The following RSAD2 variants were observed in gnomAD, a reference collection of about 807,000 sequenced individuals.
RSAD2 encodes radical S-adenosyl methionine domain containing 2, also known as S-adenosylmethionine-dependent nucleotide dehydratase RSAD2.
RSAD2 carries 38 observed loss-of-function variants against 37.7 expected under a neutral mutation model. The ratio of observed to expected loss-of-function variants is 1.01; its 90% CI spans 0.78 to 1.32. The LOEUF is 1.32. Ranked by LOEUF, RSAD2 falls within the 40% of genes most tolerant of loss-of-function variation. The pLI, the probability that RSAD2 is intolerant of heterozygous loss-of-function variation, is 0.00. For missense variants in RSAD2, 428 were observed against 437.5 expected (o/e 0.98, Z 0.19); for synonymous variants, 163 against 157.4 (o/e 1.04, Z -0.27).
intron 3 of RSAD2, among the ~76,000 whole-genome samples, chr2:6,887,853 C>T (rs191795414): frequency 3.9e-5 from 6 of 152,336 alleles, no homozygotes; most frequent in African/African-American, 9.6e-5. Flanking sequence ...CTTGCACAAA[C>T]GTGTATTTCT....
chr2:6,878,963 C>T (rs1321582498), intron 1 of RSAD2: 1 of 609,832 alleles, frequency 1.6e-6, no homozygotes, highest in East Asian at 6.7e-5. Context: ...GCAATCACAG[C>T]CAGGTAAATA....
intron 3 of RSAD2, 139 bp from the exon 4 acceptor site, chr2:6,890,037 G>A: frequency 1.4e-6 from 1 of 714,706 alleles, no homozygotes; most frequent in Non-Finnish European, 2.2e-6. Flanking sequence ...TTTCCCCAAA[G>A]TAATATCTTT....
At position 6,893,683 on chromosome 2, in the gene RSAD2, T is replaced by A. The variant is rs891550248; in HGVS notation, c.901T>A (p.Tyr301Asn). 1.2e-6 allele frequency: 2 copies of A among 1,607,286 alleles called. No individual in the cohort carries two copies. Among genetic ancestry groups the A allele is most frequent in the Non-Finnish European group, 8.5e-7 (1 of 1,174,002 alleles). ...PESNQKMKDS[Y>N]LILDEYMRFL... ...TTCTCCTTTGCAGATGAAAGACTCC[T>A]ACCTTATTCTGGATGAATATGTGAG... The change falls in exon 5 of 6, where the codon TAC becomes AAC. Residue 301 changes from tyrosine to asparagine, a missense_variant. Tyr to Asn is a moderately radical substitution (Grantham distance 143). Transcript: ENST00000382040.
intron 1 of RSAD2, 51 bp downstream of exon 1, chr2:6,878,197 G>A (rs759871763): frequency 2.0e-6 from 3 of 1,507,948 alleles, no homozygotes; most frequent in Admixed American, 3.8e-5. Context: ...ACTGGGCAGT[G>A]GGGTAAGGCG....
chr2:6,880,956 T>C (rs1663385306), intron 1 of RSAD2, among the ~76,000 whole-genome samples: 1 of 152,164 alleles, frequency 6.6e-6, no homozygotes, highest in Non-Finnish European at 1.5e-5. Flanking sequence ...TTAAAAATAA[T>C]GAGCATCAGA....
chr2:6,895,609 G>C (rs376562369), intron 5 of RSAD2, among the ~76,000 whole-genome samples, 169 bp from the exon 6 acceptor site: 7 of 152,332 alleles, frequency 4.6e-5, no homozygotes, highest in African/African-American at 1.7e-4. Flanking sequence ...ACCATGAGCT[G>C]GTTGAGTAGA....
chr2:6,891,151 CA>C (rs1356287371), intron 4 of RSAD2, among the ~76,000 whole-genome samples: 1 of 149,142 alleles, frequency 6.7e-6, no homozygotes, highest in Non-Finnish European at 1.5e-5. Context: ...CTATGAACAC[CA>C]AAAAAAGCAA....
At chr2:6,883,118 C>G (rs977868847) in intron 1 of RSAD2, among the ~76,000 whole-genome samples, 2 of 152,158 alleles carry the variant, frequency 1.3e-5, no homozygotes, top group African/African-American at 4.8e-5. Context: ...CTGGTGCTGC[C>G]TCATTGTACC....
Position 6,883,540 on chromosome 2 carries a change from C to G in RSAD2, c.508+8C>G. 1.2e-6 allele frequency: 2 copies of G among 1,613,826 alleles called. No individual in the cohort carries two copies. Among genetic ancestry groups the G allele is most frequent in the Non-Finnish European group, 1.7e-6 (2 of 1,179,804 alleles). Reference sequence around the variant, plus strand: ...GGTGGTTCCAGAATTATGGTGTGCTCCATGGGATGGCATTCTTCTTATTGC... The same window carrying G: ...GGTGGTTCCAGAATTATGGTGTGCTGCATGGGATGGCATTCTTCTTATTGC... On this transcript the variant is annotated splice_region_variant and intron_variant, in intron 2 of 5. Transcript: ENST00000382040.
rs752450846 is a variant in RSAD2 at position 6,883,531 on chromosome 2, T to C, written c.507T>C (p.Tyr169=). Residue 169 remains tyrosine, a splice_region_variant and synonymous_variant, in exon 2 of 6, where the codon TAT becomes TAC. Coordinates refer to ENST00000382040, the MANE Select transcript of RSAD2 (RefSeq NM_080657.5). ...SLIRERWFQN[Y]GEYLDILAIS... Reference sequence around the variant, plus strand: ...TCCGGGAGAGGTGGTTCCAGAATTATGGTGTGCTCCATGGGATGGCATTCT... The same window carrying C: ...TCCGGGAGAGGTGGTTCCAGAATTACGGTGTGCTCCATGGGATGGCATTCT... The C allele has an allele frequency of 1.2e-6, 2 of 1,614,146 alleles. No individual in the cohort carries two copies. The highest frequency in any genetic ancestry group is 3.3e-5 in the Admixed American group (2 of 60,022).
upstream of RSAD2, chr2:6,877,719 G>T: frequency 9.7e-7 from 1 of 1,028,984 alleles, no homozygotes. Flanking sequence ...ATGACAGGTT[G>T]CTCAGAGACT....
In RSAD2 at chr2:6,877,948, C is replaced by A; in HGVS notation, c.148C>A (p.Gln50Lys). 1 of 1,614,122 alleles carries A rather than the reference C, an allele frequency of 6.2e-7. No individual in the cohort carries two copies. The highest frequency in any genetic ancestry group is 1.3e-5 in the African/African-American group (1 of 75,036). ...WLLATKRRKQ[Q>K]LVLRGPDETK... ...GCTAGCTACCAAGAGGAGAAAGCAG[C>A]AGCTGGTCCTGAGAGGGCCAGATGA... The change falls in exon 1 of 6, where the codon CAG becomes AAG. Residue 50 changes from glutamine to lysine, a missense_variant. By Grantham distance (53) the Gln-to-Lys change is moderately conservative. Transcript: ENST00000382040.
chr2:6,879,517 T>C (rs1462275295), intron 1 of RSAD2, among the ~76,000 whole-genome samples: 4 of 152,190 alleles, frequency 2.6e-5, no homozygotes, highest in Admixed American at 6.5e-5. Context: ...CTTCCTAGAA[T>C]GTCTGTCCTC....
intron 4 of RSAD2, among the ~76,000 whole-genome samples, chr2:6,892,972 C>T (rs865827373): frequency 5.9e-5 from 9 of 152,188 alleles, no homozygotes; most frequent in African/African-American, 2.2e-4. Context: ...TTCAGTGGAG[C>T]TCAGCCAAGC....
intron 2 of RSAD2, among the ~76,000 whole-genome samples, chr2:6,884,258 G>A (rs370799501): frequency 6.6e-6 from 1 of 152,162 alleles, no homozygotes; most frequent in Non-Finnish European, 1.5e-5. Context: ...CATCTGTGAT[G>A]GTGCGGACAT....
In RSAD2 at chr2:6,895,901, A is replaced by G; in HGVS notation, c.1045A>G (p.Lys349Glu). Residue 349 changes from lysine (K) to glutamate (E), a missense_variant, in exon 6 of 6, where the codon AAA becomes GAA. By Grantham distance (56) the Lys-to-Glu change is moderately conservative. Transcript: ENST00000382040. ...DEKMFLKRGG[K>E]YIWSKADLKL... ...AAAGATGTTTCTGAAGCGAGGAGGA[A>G]AATACATATGGAGTAAGGCTGATCT... The G allele has an allele frequency of 6.2e-7, 1 of 1,614,190 alleles. No individual in the cohort carries two copies. The highest frequency in any genetic ancestry group is 1.1e-5 in the South Asian group (1 of 91,076).
In RSAD2 at chr2:6,895,838, G is replaced by C. The variant is rs1158173060; in HGVS notation, c.982G>C (p.Gly328Arg). The C allele has an allele frequency of 1.2e-6, 2 of 1,614,004 alleles. No individual in the cohort carries two copies. The highest frequency in any genetic ancestry group is 1.7e-6 in the Non-Finnish European group (2 of 1,179,980). ...CCCTTCCAAGTCCATCCTGGATGTT[G>C]GTGTAGAAGAAGCTATAAAATTCAG... is the stretch of plus-strand genomic sequence containing the variant. ...KDPSKSILDV[G>R]VEEAIKFSGF... The change falls in exon 6 of 6, where the codon GGT (glycine) becomes CGT (arginine). Residue 328 changes from glycine (G) to arginine (R), a missense_variant. Coordinates refer to ENST00000382040, the MANE Select transcript of RSAD2 (RefSeq NM_080657.5).
Position 6,890,211 on chromosome 2 carries a change from T to C in RSAD2, c.774T>C (p.Cys258=). The C allele has an allele frequency of 1.9e-6, 3 of 1,614,206 alleles. No individual in the cohort carries two copies. The highest frequency in any genetic ancestry group is 2.5e-6 in the Non-Finnish European group (3 of 1,180,022). The part of the protein sequence containing the change: ...FQCLLIEGEN[C]GEDALREAER... The stretch of plus-strand genomic sequence containing the variant: ...GCCTCTTAATTGAGGGTGAGAATTG[T>C]GGAGAAGATGCTCTAAGAGAAGCAG... Residue 258 remains cysteine, a synonymous_variant, in exon 4 of 6, where the codon TGT becomes TGC. Coordinates refer to ENST00000382040, the MANE Select transcript of RSAD2 (RefSeq NM_080657.5).
chr2:6,867,220 C>A (rs925788516), intron 1 of RSAD2, among the ~76,000 whole-genome samples: 1 of 152,220 alleles, frequency 6.6e-6, no homozygotes, highest in African/African-American at 2.4e-5. Context: ...ACTGGGCCGC[C>A]TAAACAATAG....
Sources: allele counts gnomAD v4.1 joint callset (sites outside exome capture counted in the v4.1 genomes callset), GRCh38; gene constraint gnomAD v4.1.1; transcripts MANE v1.5; gene names NCBI Gene and HGNC (gene_info 2026-07-23, HGNC 2026-07-21).